DIAPH2: variants seen among roughly 807,000 people sequenced by gnomAD.
The protein encoded by DIAPH2 is protein diaphanous homolog 2.
A neutral mutation model predicts 92.7 loss-of-function variants in DIAPH2; 35 were observed. The ratio of observed to expected loss-of-function variants is 0.38; its 90% confidence interval spans 0.29 to 0.50. The LOEUF (loss-of-function observed/expected upper bound fraction) is 0.50. Among genes scored for constraint, DIAPH2 ranks in the 20% least tolerant of loss-of-function variants. DIAPH2 has a pLI of 0.94. For synonymous variants in DIAPH2, 301 were observed against 280.4 expected (o/e 1.07, Z -0.73); for missense variants, 701 against 819.5 (o/e 0.86, Z 1.77).
At chrX:97,277,231 G>A (rs987272587) in intron 23 of DIAPH2, among the ~76,000 whole-genome samples, 1 of 111,570 alleles carries the variant, frequency 9.0e-6, no homozygotes, top group Non-Finnish European at 1.9e-5. Context: ...CCAGCTACTT[G>A]GGAGGCTGAG....
chrX:97,118,214 T>G (rs2067029921), intron 21 of DIAPH2, among the ~76,000 whole-genome samples: 1 of 111,854 alleles, frequency 8.9e-6, no homozygotes, highest in Non-Finnish European at 1.9e-5. Flanking sequence ...CTGTGACAGC[T>G]TTGAGAATTC....
At chrX:97,321,544 A>ATTTT (rs72265655) in intron 23 of DIAPH2, among the ~76,000 whole-genome samples, 50 of 48,387 alleles carry the variant, frequency 1.0e-3, no homozygotes, top group Non-Finnish European at 1.5e-3. Flanking sequence ...TTGTGTTGTT[A>ATTTT]TTTTTTTTTT....
chrX:97,181,148 C>T (rs62595805), intron 22 of DIAPH2, among the ~76,000 whole-genome samples: 33,235 of 108,828 alleles, frequency 0.31, 4,569 homozygotes, highest in East Asian at 0.6. Flanking sequence ...CGGCTCACCA[C>T]GTCCTCTGCC....
At chrX:97,236,696 A>C (rs1020459483) in intron 22 of DIAPH2, among the ~76,000 whole-genome samples, 1 of 108,738 alleles carries the variant, frequency 9.2e-6, no homozygotes, top group Non-Finnish European at 1.9e-5. Context: ...AGGTGCCCGC[A>C]ACCACGCCCG....
At chrX:97,075,334 G>T (rs2066698126) in intron 19 of DIAPH2, 73 bp downstream of exon 19, 1 of 576,644 alleles carries the variant, frequency 1.7e-6, no homozygotes, top group South Asian at 3.6e-5. Flanking sequence ...CAATGGAGTT[G>T]TAAGAAAATT....
In DIAPH2 at chrX:97,519,619, G is replaced by C. The variant is rs950457954; in HGVS notation, c.3242-79634G>C. ...ATAAGAATGCCTGTAATTTTCAACA[G>C]AGGTTACTGTTTCAGTGGTGGCCCA... On this transcript the variant is annotated intron_variant, in intron 26 of 26. Transcript: ENST00000324765. 2.7e-5 allele frequency among the ~76,000 whole-genome samples: 3 copies of C among 112,617 alleles called. No homozygotes were observed. In the Admixed American group the frequency reaches 2.8e-4, roughly 11 times the overall value.
At chrX:97,008,667 C>T (rs1602710919) in intron 17 of DIAPH2, among the ~76,000 whole-genome samples, 2 of 111,769 alleles carry the variant, frequency 1.8e-5, no homozygotes, top group Admixed American at 1.9e-4. Context: ...AATGCTGTGG[C>T]TTTTGCAGAC....
chrX:97,391,977 A>T (rs2069664057), intron 25 of DIAPH2, among the ~76,000 whole-genome samples: 1 of 112,025 alleles, frequency 8.9e-6, no homozygotes, highest in Non-Finnish European at 1.9e-5. Context: ...TGGAGATCAG[A>T]AGGCAAATGC....
At chrX:96,687,628 C>T (rs776878427) in intron 1 of DIAPH2, among the ~76,000 whole-genome samples, 1 of 110,186 alleles carries the variant, frequency 9.1e-6, no homozygotes, top group African/African-American at 3.3e-5. Context: ...TTAGTAGAGA[C>T]GGGATTTCAC....
intron 22 of DIAPH2, among the ~76,000 whole-genome samples, chrX:97,159,584 A>G (rs2067350815): frequency 8.9e-6 from 1 of 111,938 alleles, no homozygotes; most frequent in African/African-American, 3.2e-5. Context: ...CTGTCCAAAG[A>G]TTAGTGTGTG....
chrX:97,458,415 G>A (rs4828084), intron 26 of DIAPH2, among the ~76,000 whole-genome samples: 41,339 of 105,099 alleles, frequency 0.39, 5,956 homozygotes, highest in East Asian at 0.57. Flanking sequence ...AGTTTTTATT[G>A]TTGAAGCAAC....
intron 17 of DIAPH2, among the ~76,000 whole-genome samples, chrX:97,016,076 A>G (rs905695818): frequency 8.9e-6 from 1 of 112,309 alleles, no homozygotes; most frequent in African/African-American, 3.2e-5. Flanking sequence ...CAGAATACTG[A>G]TAAAATGGTA....
intron 4 of DIAPH2, chrX:96,763,197 TTA>T (rs762635482): frequency 6.8e-6 from 5 of 733,405 alleles, no homozygotes; most frequent in Non-Finnish European, 9.1e-6. Context: ...TTGTAGTATT[TTA>T]TATGTTTGGT....
chrX:97,209,856 A>T (rs1298482237), intron 22 of DIAPH2, among the ~76,000 whole-genome samples: 1 of 110,680 alleles, frequency 9.0e-6, no homozygotes, highest in Non-Finnish European at 1.9e-5. Context: ...CTTCTTAATG[A>T]TTTTAACGGA....
At chrX:97,325,784 C>T (rs976598900) in intron 23 of DIAPH2, among the ~76,000 whole-genome samples, 3 of 110,733 alleles carry the variant, frequency 2.7e-5, no homozygotes, top group African/African-American at 9.8e-5. Flanking sequence ...TCACTGTGTT[C>T]GCCAGGATGG....
chrX:97,323,449 G>A (rs1379294839), intron 23 of DIAPH2, among the ~76,000 whole-genome samples: 2 of 104,632 alleles, frequency 1.9e-5, no homozygotes, highest in Non-Finnish European at 3.9e-5. Context: ...AAATTAGCCG[G>A]GCGTGGTGGC....
intron 25 of DIAPH2, among the ~76,000 whole-genome samples, chrX:97,386,051 ATCT>A (rs2069596604): frequency 8.9e-6 from 1 of 112,196 alleles, no homozygotes; most frequent in African/African-American, 3.2e-5. Context: ...TTAATGGCTA[ATCT>A]TCTAAAGTAA....
intron 1 of DIAPH2, among the ~76,000 whole-genome samples, chrX:96,727,048 C>T (rs983868088): frequency 1.8e-5 from 2 of 111,976 alleles, no homozygotes; most frequent in African/African-American, 6.5e-5. Flanking sequence ...ATCATTTGGC[C>T]ACAAGCCCCA....
At chrX:97,035,362 C>CT (rs1367269805) in intron 17 of DIAPH2, among the ~76,000 whole-genome samples, 1 of 111,916 alleles carries the variant, frequency 8.9e-6, no homozygotes, top group Non-Finnish European at 1.9e-5. Flanking sequence ...AGTATTTTAA[C>CT]TTTTTGATTC....
Sources: gnomAD v4.1 joint callset for allele counts (sites outside exome capture counted in the v4.1 genomes callset) on GRCh38, gnomAD v4.1.1 for gene constraint, MANE v1.5 for transcripts, NCBI Gene and HGNC (gene_info 2026-07-23, HGNC 2026-07-21) for gene names.